The following MED13L variants were observed in gnomAD, a reference collection of about 807,000 sequenced individuals.
MED13L encodes mediator complex subunit 13L.
MED13L carries 7 observed loss-of-function variants against 220.9 expected under a neutral mutation model. The ratio of observed to expected loss-of-function variants is 0.03; its 90% confidence interval spans 0.02 to 0.06. The LOEUF is 0.06. MED13L is among the 10% of genes least tolerant of loss of function. The pLI is 1.00. For missense variants in MED13L, 1,965 were observed against 2,760.5 expected (o/e 0.71, Z 6.46); for synonymous variants, 1,011 against 1,015.2 (o/e 1.00, Z 0.08).
At chr12:116,016,176 T>C (rs1035720720) in intron 7 of MED13L, among the ~76,000 whole-genome samples, 4 of 152,080 alleles carry the variant, frequency 2.6e-5, no homozygotes, top group South Asian at 2.1e-4. Flanking sequence ...AGAACTATGA[T>C]GCAAAACACC....
intron 2 of MED13L, among the ~76,000 whole-genome samples, chr12:116,163,742 T>A (rs904690865): frequency 1.3e-5 from 2 of 152,210 alleles, no homozygotes; most frequent in Non-Finnish European, 2.9e-5. Context: ...ATATCATACA[T>A]AATAACTGCT....
intron 2 of MED13L, among the ~76,000 whole-genome samples, chr12:116,119,430 A>G (rs914310127): frequency 6.6e-6 from 1 of 152,076 alleles, no homozygotes; most frequent in Non-Finnish European, 1.5e-5. Flanking sequence ...GCCGATTGTA[A>G]AAGTGCCAAA....
At position 116,090,539 on chromosome 12, in the gene MED13L, C is replaced by A. The variant is rs549187834; in HGVS notation, c.479+6130G>T. 1.0e-3 allele frequency among the ~76,000 whole-genome samples: 158 copies of A among 152,292 alleles called. 4 individuals are homozygous for A. The South Asian group carries it at 0.022, about 22-fold the overall frequency. On this transcript the variant is annotated intron_variant, in intron 4 of 30. Coordinates refer to ENST00000281928, the MANE Select transcript of MED13L (RefSeq NM_015335.5). ...AAAGAATAAAAGATATGGATATATA[C>A]AGAGACATACATGGATAGGACATGT...
intron 1 of MED13L, among the ~76,000 whole-genome samples, chr12:116,274,687 T>C (rs1376692688): frequency 1.3e-5 from 2 of 151,840 alleles, no homozygotes; most frequent in African/African-American, 2.4e-5. Context: ...ATTTCTTCAA[T>C]AGCACCTTAT....
intron 9 of MED13L, among the ~76,000 whole-genome samples, chr12:116,012,520 G>A (rs542861472): frequency 6.6e-6 from 1 of 152,236 alleles, no homozygotes; most frequent in African/African-American, 2.4e-5. Context: ...CATTTAAAGG[G>A]CTAAGAACTG....
At chr12:116,245,556 A>G (rs1221236865) in intron 1 of MED13L, among the ~76,000 whole-genome samples, 5 of 152,196 alleles carry the variant, frequency 3.3e-5, no homozygotes, top group African/African-American at 1.2e-4. Flanking sequence ...GAAAACTTTA[A>G]AAACACCAAG....
intron 2 of MED13L, among the ~76,000 whole-genome samples, chr12:116,111,793 T>A (rs929590607): frequency 3.3e-5 from 5 of 152,174 alleles, no homozygotes; most frequent in African/African-American, 1.2e-4. Context: ...TCTTCAAAGT[T>A]TAAAATCATT....
intron 4 of MED13L, among the ~76,000 whole-genome samples, chr12:116,031,732 A>AAG (rs1880808399): frequency 5.2e-5 from 4 of 77,386 alleles, no homozygotes; most frequent in Admixed American, 1.6e-4. Flanking sequence ...AAAGAAAAGA[A>AAG]AAGAAAAGAA....
At chr12:116,070,744 A>G (rs1020350418) in intron 4 of MED13L, among the ~76,000 whole-genome samples, 1 of 152,218 alleles carries the variant, frequency 6.6e-6, no homozygotes, top group Admixed American at 6.5e-5. Context: ...TCTACATTAC[A>G]TTTACATAGC....
intron 4 of MED13L, among the ~76,000 whole-genome samples, chr12:116,046,798 C>A (rs1881862415): frequency 6.6e-6 from 1 of 152,046 alleles, no homozygotes; most frequent in African/African-American, 2.4e-5. Flanking sequence ...ACAGTGAAAC[C>A]CCGTCTCTAC....
Position 115,986,385 on chromosome 12 carries a change from G to A in MED13L, c.4219C>T (p.Leu1407Phe), listed in dbSNP as rs772961440. 1.9e-6 allele frequency: 3 copies of A among 1,614,108 alleles called. No individual in the cohort carries two copies. In the Admixed American group the frequency reaches 5.0e-5, roughly 27 times the overall value. ...SPFSLPFWER[L>F]LLDPYGGHRD... ...TGGCCCCCATATGGGTCCAACAAGA[G>A]CCTCTCCCAAAACGGCAAGGAGAAT... The change falls in exon 19 of 31, where the codon CTC becomes TTC. Residue 1407 changes from leucine to phenylalanine, a missense_variant. Physicochemically the swap from Leu to Phe is conservative, Grantham distance 22 (BLOSUM62 0). Around this residue, in one of 10 missense-constraint regions of MED13L, gnomAD observed 510 missense variants for 620.4 expected, o/e 0.82. Transcript: ENST00000281928.
At chr12:116,106,287 G>C (rs1873568783) in intron 3 of MED13L, among the ~76,000 whole-genome samples, 1 of 152,032 alleles carries the variant, frequency 6.6e-6, no homozygotes, top group Non-Finnish European at 1.5e-5. Context: ...AGAAAAGGTG[G>C]GGAATTCAAT....
At chr12:116,267,126 T>C (rs1475245927) in intron 1 of MED13L, among the ~76,000 whole-genome samples, 1 of 152,192 alleles carries the variant, frequency 6.6e-6, no homozygotes, top group African/African-American at 2.4e-5. Flanking sequence ...AAGGAATTAA[T>C]AGCTTAAACT....
At chr12:116,047,283 G>C (rs756842843) in intron 4 of MED13L, among the ~76,000 whole-genome samples, 6 of 152,094 alleles carry the variant, frequency 3.9e-5, no homozygotes, top group Non-Finnish European at 8.8e-5. Context: ...GAATCCAAAA[G>C]GTCAAGGCAA....
intron 2 of MED13L, among the ~76,000 whole-genome samples, chr12:116,197,541 C>T (rs146255070): frequency 5.7e-4 from 87 of 152,014 alleles, no homozygotes; most frequent in African/African-American, 2.0e-3. Context: ...CCGAGGCGGG[C>T]GGATCACCTG....
intron 2 of MED13L, among the ~76,000 whole-genome samples, chr12:116,205,262 C>A (rs1004754781): frequency 2.0e-5 from 3 of 151,872 alleles, no homozygotes; most frequent in Admixed American, 6.6e-5. Flanking sequence ...CAACAATACA[C>A]GATAAATGAG....
At chr12:116,192,399 T>C (rs931695927) in intron 2 of MED13L, among the ~76,000 whole-genome samples, 8 of 152,166 alleles carry the variant, frequency 5.3e-5, no homozygotes, top group African/African-American at 1.9e-4. Context: ...AAAATAAATA[T>C]GAATATAAAT....
chr12:116,114,418 C>T (rs1035652925), intron 2 of MED13L, among the ~76,000 whole-genome samples: 2 of 152,186 alleles, frequency 1.3e-5, no homozygotes, highest in African/African-American at 4.8e-5. Context: ...ATAGCTGACA[C>T]AATTTTAATA....
In MED13L at chr12:115,963,452, C is replaced by A. The variant is rs752014302; in HGVS notation, c.6455G>T (p.Arg2152Leu). 2 of 1,614,026 alleles carry A rather than the reference C, an allele frequency of 1.2e-6. No homozygotes were observed. The highest frequency in any genetic ancestry group is 2.7e-5 in the African/African-American group (2 of 74,920). Residue 2152 changes from arginine to leucine, a missense_variant, in exon 30 of 31, where the codon CGG becomes CTG. Transcript: ENST00000281928. ...TTTGGAGTCAAGAGGGTGTGGAACC[C>A]GCTGAGAATTCCTGGCAGGCAGAAG... The part of the protein sequence containing the change: ...DELLPARNSQ[R>L]VPHPLDSKTT...
Sources: gnomAD v4.1 joint callset for allele counts (sites outside exome capture counted in the v4.1 genomes callset) on GRCh38, gnomAD v4.1.1 for gene constraint, gnomAD v4.1.1 regional missense constraint, MANE v1.5 for transcripts, NCBI Gene and HGNC (gene_info 2026-07-23, HGNC 2026-07-21) for gene names.